The following FAM135B variants were observed in gnomAD, a reference collection of about 807,000 sequenced individuals.
The protein encoded by FAM135B is protein FAM135B.
In FAM135B, 43 loss-of-function variants were observed where a neutral mutation model predicts 127.7. The ratio of observed to expected loss-of-function variants is 0.34; its 90% confidence interval spans 0.26 to 0.43. The LOEUF is 0.43. FAM135B is among the 20% of genes least tolerant of loss of function. The probability of loss-of-function intolerance (pLI) is 1.00; values close to 1 mark genes in which losing one functional copy is unlikely to be tolerated. For synonymous variants in FAM135B, 670 were observed against 665.1 expected (o/e 1.01, Z -0.11); for missense variants, 1,558 against 1,725.6 (o/e 0.90, Z 1.72).
chr8:138,200,587 C>A (rs141130736), intron 7 of FAM135B, among the ~76,000 whole-genome samples: 355 of 152,194 alleles, frequency 2.3e-3, no homozygotes, highest in African/African-American at 7.7e-3. Context: ...CAAACAAAAC[C>A]CCATCAATAT....
chr8:138,156,267 T>C (rs1429806120), intron 12 of FAM135B, among the ~76,000 whole-genome samples: 3 of 152,140 alleles, frequency 2.0e-5, no homozygotes, highest in Admixed American at 1.3e-4. Flanking sequence ...AGACACAACA[T>C]ACCAGAATCT....
intron 2 of FAM135B, among the ~76,000 whole-genome samples, chr8:138,348,614 T>TA (rs1416700287): frequency 6.6e-6 from 1 of 152,224 alleles, no homozygotes; most frequent in African/African-American, 2.4e-5. Flanking sequence ...GTAAGGACAC[T>TA]AATGACTGCC....
At chr8:138,482,746 C>T (rs1178830196) in intron 1 of FAM135B, among the ~76,000 whole-genome samples, 4 of 152,122 alleles carry the variant, frequency 2.6e-5, no homozygotes, top group African/African-American at 7.2e-5. Context: ...CAAACTTGAC[C>T]AATGCCAGTA....
intron 1 of FAM135B, among the ~76,000 whole-genome samples, chr8:138,431,276 A>T (rs1342029670): frequency 3.3e-5 from 5 of 152,194 alleles, no homozygotes; most frequent in Non-Finnish European, 1.5e-5. Context: ...CCATCTTGGG[A>T]CTTGTATTCC....
intron 1 of FAM135B, among the ~76,000 whole-genome samples, chr8:138,397,547 A>C (rs1047208593): frequency 1.3e-5 from 2 of 152,206 alleles, no homozygotes; most frequent in African/African-American, 4.8e-5. Flanking sequence ...ACGTACTTGT[A>C]GTATGTTATG....
At chr8:138,280,111 T>C (rs1293163476) in intron 3 of FAM135B, among the ~76,000 whole-genome samples, 1 of 152,182 alleles carries the variant, frequency 6.6e-6, no homozygotes, top group East Asian at 1.9e-4. Flanking sequence ...ATCCCGAATC[T>C]ACCCGCTGCA....
At position 138,404,264 on chromosome 8, in the gene FAM135B, T is replaced by C. The variant is rs1050699194; in HGVS notation, c.-19-36262A>G. 2.0e-5 allele frequency among the ~76,000 whole-genome samples: 3 copies of C among 152,190 alleles called. No individual in the cohort carries two copies. The South Asian group carries it at 6.2e-4, about 32-fold the overall frequency. The stretch of plus-strand genomic sequence containing the variant: ...GTAGTCTATTAAGTGTGCAATGCCA[T>C]TATGTTTAATTAAAAAAATGCACAC... On this transcript the variant is annotated intron_variant, in intron 1 of 19. Transcript: ENST00000395297.
intron 1 of FAM135B, among the ~76,000 whole-genome samples, chr8:138,460,970 C>A (rs1428600774): frequency 6.6e-6 from 1 of 152,184 alleles, no homozygotes; most frequent in African/African-American, 2.4e-5. Flanking sequence ...ACAGCCAAAG[C>A]TCCTGTATTC....
intron 3 of FAM135B, among the ~76,000 whole-genome samples, chr8:138,266,839 CTAAAG>C (rs1354444648): frequency 6.7e-6 from 1 of 149,054 alleles, no homozygotes; most frequent in Non-Finnish European, 1.5e-5. Flanking sequence ...TATATACATA[CTAAAG>C]TAAATAATAC....
intron 1 of FAM135B, among the ~76,000 whole-genome samples, chr8:138,451,542 G>T (rs997953662): frequency 6.6e-6 from 1 of 152,212 alleles, no homozygotes; most frequent in Admixed American, 6.5e-5. Flanking sequence ...AACCCCTACA[G>T]CAGAATTTCC....
chr8:138,386,501 G>A (rs1354509266), intron 1 of FAM135B, among the ~76,000 whole-genome samples: 2 of 152,178 alleles, frequency 1.3e-5, no homozygotes, highest in East Asian at 1.9e-4. Context: ...TTGGAGGGCT[G>A]GAAGAAAAGA....
intron 9 of FAM135B, 122 bp downstream of exon 9, chr8:138,195,136 A>C (rs1816506349): frequency 1.5e-5 from 12 of 813,306 alleles, no homozygotes. Flanking sequence ...CCAGCTTGGT[A>C]TCTAGAGTGA....
At chr8:138,328,550 T>C (rs987285886) in intron 2 of FAM135B, among the ~76,000 whole-genome samples, 3 of 151,844 alleles carry the variant, frequency 2.0e-5, no homozygotes, top group African/African-American at 7.3e-5. Flanking sequence ...CCCTGGGGAG[T>C]TGACCTTGGC....
At chr8:138,200,810 G>A (rs1586755830) in intron 7 of FAM135B, among the ~76,000 whole-genome samples, 3 of 152,064 alleles carry the variant, frequency 2.0e-5, no homozygotes, top group Non-Finnish European at 4.4e-5. Flanking sequence ...ACCAAATATT[G>A]GAATTCTTTC....
At chr8:138,193,598 A>C (rs1816338294) in intron 9 of FAM135B, among the ~76,000 whole-genome samples, 1 of 152,218 alleles carries the variant, frequency 6.6e-6, no homozygotes, top group African/African-American at 2.4e-5. Flanking sequence ...TTTACAGAGT[A>C]AAGCAGTTTC....
chr8:138,217,792 T>A (rs2129978095), intron 7 of FAM135B, among the ~76,000 whole-genome samples: 1 of 152,302 alleles, frequency 6.6e-6, no homozygotes, highest in Non-Finnish European at 1.5e-5. Flanking sequence ...GCGCTGAGGA[T>A]GTATCAGTGT....
intron 1 of FAM135B, among the ~76,000 whole-genome samples, chr8:138,394,069 A>G (rs2131338470): frequency 6.6e-6 from 1 of 152,240 alleles, no homozygotes; most frequent in East Asian, 1.9e-4. Flanking sequence ...AGAGGACAGC[A>G]CCCCTGAGTC....
intron 3 of FAM135B, among the ~76,000 whole-genome samples, chr8:138,285,539 C>A (rs1170441786): frequency 6.6e-6 from 1 of 152,096 alleles, no homozygotes; most frequent in Non-Finnish European, 1.5e-5. Context: ...AGGACGTATA[C>A]AATAATATCA....
At chr8:138,439,851 C>G (rs919525321) in intron 1 of FAM135B, 1 of 152,168 alleles carries the variant, frequency 6.6e-6, no homozygotes, top group Non-Finnish European at 1.5e-5. Context: ...TTATTGGCTA[C>G]AGGGCTTTGT....
Sources: gnomAD v4.1 joint callset for allele counts (sites outside exome capture counted in the v4.1 genomes callset) on GRCh38, gnomAD v4.1.1 for gene constraint, MANE v1.5 for transcripts, NCBI Gene and HGNC (gene_info 2026-07-23, HGNC 2026-07-21) for gene names.